The following NR2C2 variants were observed in gnomAD, a reference collection of about 807,000 sequenced individuals.
NR2C2 encodes the protein nuclear receptor subfamily 2 group C member 2.
Under a neutral mutation model 62.9 loss-of-function variants are expected in NR2C2, and 6 were observed. That is an observed-to-expected ratio of 0.10 (90% confidence interval 0.05 to 0.19). NR2C2 has a LOEUF of 0.19. Among genes scored for constraint, NR2C2 ranks in the 10% least tolerant of loss-of-function variants. The pLI is 1.00. For synonymous variants in NR2C2, 272 were observed against 273.8 expected (o/e 0.99, Z 0.07); for missense variants, 479 against 762.7 (o/e 0.63, Z 4.38).
At chr3:14,979,696 T>A (rs1453905588) in intron 1 of NR2C2, among the ~76,000 whole-genome samples, 1 of 151,732 alleles carries the variant, frequency 6.6e-6, no homozygotes, top group African/African-American at 2.4e-5. Context: ...GCATGCTTGG[T>A]ACAATAAAGG....
Position 15,043,026 on chromosome 3 carries a change from C to G in NR2C2, c.*18C>G. 1 of 1,608,534 alleles carries G rather than the reference C, an allele frequency of 6.2e-7. No individual in the cohort carries two copies. Among genetic ancestry groups the G allele is most frequent in the South Asian group, 1.1e-5 (1 of 90,424 alleles). ...GTCTATAGCGCAAACCACACACCTG[C>G]CAAGGAGCAACAGAATCCTTCCAGG... On this transcript the variant is annotated 3_prime_UTR_variant, in exon 14 of 14. Transcript: ENST00000425241.
In NR2C2 at chr3:15,024,111, A is replaced by C. The variant is rs779288620; in HGVS notation, c.705-4A>C. ...TACTCTGAGTTTCTTTATGTCTTAA[A>C]TAGACAAACAGGTCTTCTTGATCCA... On this transcript the variant is annotated splice_polypyrimidine_tract_variant and splice_region_variant and intron_variant, in intron 6 of 13. Transcript: ENST00000425241. 6 of 1,607,206 alleles carry C rather than the reference A, an allele frequency of 3.7e-6. No homozygotes were observed. In the Admixed American group the frequency reaches 5.0e-5, roughly 13 times the overall value.
rs1475271908 is a variant in NR2C2 at position 15,038,133 on chromosome 3, C to T, written c.1506C>T (p.Ser502=). ...ACCTTAAAGCTATAGTTCTCTTTAG[C>T]CCCGGTAAGATATGCGGTGGGGATG... The part of the protein sequence containing the change: ...YAYLKAIVLF[S]PDHPGLTSTS... The change falls in exon 12 of 14, where the codon AGC becomes AGT. Residue 502 remains serine (S), a synonymous_variant. Coordinates refer to ENST00000425241, the MANE Select transcript of NR2C2 (RefSeq NM_001291694.2). 2 of 1,610,088 alleles carry T rather than the reference C, an allele frequency of 1.2e-6. No individual in the cohort carries two copies. Among genetic ancestry groups the T allele is most frequent in the Non-Finnish European group, 1.7e-6 (2 of 1,178,174 alleles).
chr3:14,957,862 A>G (rs971643857), intron 1 of NR2C2, among the ~76,000 whole-genome samples: 12 of 151,902 alleles, frequency 7.9e-5, no homozygotes, highest in African/African-American at 2.9e-4. Flanking sequence ...ACTCCTGATA[A>G]TTCTCTGTTG....
intron 3 of NR2C2, 54 bp downstream of exon 3, chr3:15,013,843 C>A: frequency 6.3e-7 from 1 of 1,575,370 alleles, no homozygotes; most frequent in Non-Finnish European, 8.7e-7. Flanking sequence ...GAACTTGTTC[C>A]TGACTTGTTC....
rs183210601 is a variant in NR2C2 at position 14,972,260 on chromosome 3, C to T, written c.-40+24354C>T. On this transcript the variant is annotated intron_variant, in intron 1 of 13. Coordinates refer to ENST00000425241, the MANE Select transcript of NR2C2 (RefSeq NM_001291694.2). ...CATCATTTCGGCTCACTGTAACCTC[C>T]GCCTCCTGGGTTCCAGAGATTCCCA... 2.2e-4 allele frequency among the ~76,000 whole-genome samples: 33 copies of T among 151,286 alleles called. No homozygotes were observed. The East Asian group carries it at 3.7e-3, about 17-fold the overall frequency.
At chr3:15,008,458 G>A (rs1453058843) in intron 2 of NR2C2, among the ~76,000 whole-genome samples, 1 of 151,822 alleles carries the variant, frequency 6.6e-6, no homozygotes, top group African/African-American at 2.4e-5. Context: ...AGAGGTGGAG[G>A]TTGTAAAGAG....
chr3:14,950,100 T>A (rs2039304863), intron 1 of NR2C2, among the ~76,000 whole-genome samples: 1 of 151,988 alleles, frequency 6.6e-6, no homozygotes, highest in South Asian at 2.1e-4. Context: ...GTAAATAGAG[T>A]TATTGTTGTC....
At chr3:15,016,605 C>T (rs2041517923) in intron 4 of NR2C2, among the ~76,000 whole-genome samples, 1 of 152,190 alleles carries the variant, frequency 6.6e-6, no homozygotes, top group East Asian at 1.9e-4. Flanking sequence ...CCCCTTCATC[C>T]TAACTGTAAC....
chr3:15,042,612 G>A (rs999637059), intron 13 of NR2C2: 15 of 429,496 alleles, frequency 3.5e-5, no homozygotes, highest in Middle Eastern at 1.2e-3. Flanking sequence ...ATAAACAAGA[G>A]TGAAGGGAAC....
rs952333385 is a variant in NR2C2 at position 15,021,074 on chromosome 3, G to A, written c.556+142G>A. On this transcript the variant is annotated intron_variant, in intron 5 of 13. Transcript: ENST00000425241. Reference sequence around the variant, plus strand: ...CAGGCTTCATTTTGGTTTACCTCATGGGTCAGCCAGGTGATTGAGAGCCAA... The same window carrying A: ...CAGGCTTCATTTTGGTTTACCTCATAGGTCAGCCAGGTGATTGAGAGCCAA... 28 of 771,000 alleles carry A rather than the reference G, an allele frequency of 3.6e-5. No homozygotes were observed. The African/African-American group carries it at 4.7e-4, about 13-fold the overall frequency. The allele number at this position is 771,000 out of a possible 1,614,324, so 47.8% of individuals were successfully genotyped here.
At position 15,015,159 on chromosome 3, in the gene NR2C2, A is replaced by C. The variant is rs1289490630; in HGVS notation, c.274-993A>C. 3.3e-5 allele frequency among the ~76,000 whole-genome samples: 5 copies of C among 152,224 alleles called. No individual in the cohort carries two copies. In the East Asian group the frequency reaches 9.6e-4, roughly 29 times the overall value. ...TAGAGTACTCCTTGTCTGTGAAAGA[A>C]TGGCTGTTGATTTTGTTGCATGTTT... On this transcript the variant is annotated intron_variant, in intron 3 of 13. Coordinates refer to ENST00000425241, the MANE Select transcript of NR2C2 (RefSeq NM_001291694.2).
At chr3:14,967,329 A>G (rs868113631) in intron 1 of NR2C2, among the ~76,000 whole-genome samples, 1 of 151,488 alleles carries the variant, frequency 6.6e-6, no homozygotes, top group East Asian at 1.9e-4. Flanking sequence ...GATTTTCTCT[A>G]TTGTTTTTCT....
chr3:15,044,876 G>C lies in NR2C2; in HGVS notation c.*1868G>C, dbSNP rs971239318. 1 of 152,240 alleles carries C rather than the reference G, an allele frequency of 6.6e-6. No individual in the cohort carries two copies. Among genetic ancestry groups the C allele is most frequent in the African/African-American group, 2.4e-5 (1 of 41,454 alleles). The allele number at this position is 152,240 out of a possible 1,614,324, so 9.4% of individuals were successfully genotyped here. A position where few individuals can be genotyped will look rare whatever the true frequency, so the allele number is the denominator to read the frequency against. On this transcript the variant is annotated 3_prime_UTR_variant, in exon 14 of 14. Transcript: ENST00000425241. ...CTTTACGCAAGTCAGTGTTAGTAGG[G>C]TAAGTGGGAACAGTGTTTCCAACTT...
chr3:14,989,163 G>A (rs1481383847), intron 1 of NR2C2, among the ~76,000 whole-genome samples: 1 of 152,184 alleles, frequency 6.6e-6, no homozygotes, highest in Non-Finnish European at 1.5e-5. Flanking sequence ...GAGAACCTAG[G>A]TGTTAGTTTC....
intron 13 of NR2C2, among the ~76,000 whole-genome samples, chr3:15,041,408 G>A (rs1050770987): frequency 3.3e-5 from 5 of 152,156 alleles, no homozygotes; most frequent in Admixed American, 2.0e-4. Context: ...GGAGCACAGC[G>A]ACTCATTGTG....
At chr3:15,022,875 AATAAC>A (rs2041716410) in intron 5 of NR2C2, among the ~76,000 whole-genome samples, 1 of 152,100 alleles carries the variant, frequency 6.6e-6, no homozygotes, top group Admixed American at 6.5e-5. Flanking sequence ...ATAATAAAAT[AATAAC>A]ATAAAATAAT....
chr3:14,947,939 C>CCGG (rs1168045185), intron 1 of NR2C2, 33 bp downstream of exon 1: 1 of 149,686 alleles, frequency 6.7e-6, no homozygotes, highest in South Asian at 2.0e-4. Flanking sequence ...CGGGCTCGGG[C>CCGG]CGGCGGCGGA....
chr3:14,967,100 T>G (rs2125271948), intron 1 of NR2C2, among the ~76,000 whole-genome samples: 1 of 152,344 alleles, frequency 6.6e-6, no homozygotes, highest in East Asian at 1.9e-4. Context: ...TTTGTCTTTT[T>G]GGGACTTTGT....
Sources: allele counts gnomAD v4.1 joint callset (sites outside exome capture counted in the v4.1 genomes callset), GRCh38; gene constraint gnomAD v4.1.1; transcripts MANE v1.5; gene names NCBI Gene and HGNC (gene_info 2026-07-23, HGNC 2026-07-21).